The following TSNARE1 variants were observed in gnomAD, a reference collection of about 807,000 sequenced individuals.
TSNARE1 encodes t-SNARE domain-containing protein 1.
Under a neutral mutation model 62.0 loss-of-function variants are expected in TSNARE1, and 49 were observed. The ratio of observed to expected loss-of-function variants is 0.79; its 90% CI spans 0.63 to 1.00. The LOEUF is 1.00. Ranked by LOEUF, TSNARE1 falls within the 50% of genes least tolerant of loss-of-function variation. The pLI is 0.00. For missense variants in TSNARE1, 755 were observed against 700.1 expected (o/e 1.08, Z -0.88); for synonymous variants, 328 against 294.4 (o/e 1.11, Z -1.17).
intron 1 of TSNARE1, among the ~76,000 whole-genome samples, chr8:142,394,093 C>G (rs888678633): frequency 2.0e-5 from 3 of 152,262 alleles, no homozygotes; most frequent in African/African-American, 7.2e-5. Flanking sequence ...CCTTGCTGGG[C>G]TGGGAGGCCC....
At chr8:142,259,594 C>A (rs1818754428) in intron 12 of TSNARE1, among the ~76,000 whole-genome samples, 2 of 152,204 alleles carry the variant, frequency 1.3e-5, no homozygotes, top group Admixed American at 6.5e-5. Context: ...CAGGCCTCAG[C>A]AAAATCCAAT....
In TSNARE1 at chr8:142,346,728, A is replaced by G. The variant is rs1383569866; in HGVS notation, c.89-836T>C. Among the ~76,000 whole-genome samples, 3 of 152,358 alleles carry G rather than the reference A, an allele frequency of 2.0e-5. No homozygotes were observed. In the East Asian group the frequency reaches 5.8e-4, roughly 29 times the overall value. ...CTTTCCAGCCACATCCGCGGCCTCC[A>G]GGGCCAGGTCGGCACAGTGGGTCCC... On this transcript the variant is annotated intron_variant, in intron 2 of 13. Transcript: ENST00000524325.
chr8:142,231,403 G>C (rs1817108768), intron 12 of TSNARE1, among the ~76,000 whole-genome samples: 1 of 152,126 alleles, frequency 6.6e-6, no homozygotes, highest in Non-Finnish European at 1.5e-5. Flanking sequence ...ATGTGGGCAG[G>C]GTAATAAGGG....
chr8:142,305,206 G>A (rs751715979), intron 9 of TSNARE1, among the ~76,000 whole-genome samples: 8 of 152,202 alleles, frequency 5.3e-5, no homozygotes, highest in Non-Finnish European at 7.4e-5. Flanking sequence ...TGGACTTGGG[G>A]GTTTCAGTGA....
intron 1 of TSNARE1, among the ~76,000 whole-genome samples, chr8:142,385,154 AG>A (rs1837029272): frequency 6.6e-6 from 1 of 152,170 alleles, no homozygotes; most frequent in African/African-American, 2.4e-5. Context: ...TTATAAAGGG[AG>A]GAAAAACCAG....
chr8:142,274,298 G>A, intron 12 of TSNARE1: 2 of 985,408 alleles, frequency 2.0e-6, no homozygotes, highest in Non-Finnish European at 2.4e-6. Context: ...CAGCAACAAG[G>A]CCCAGTGAGT....
chr8:142,402,502 G>A (rs991252446), intron 1 of TSNARE1, among the ~76,000 whole-genome samples: 4 of 152,268 alleles, frequency 2.6e-5, no homozygotes, highest in Non-Finnish European at 5.9e-5. Context: ...TCCCTGGAGA[G>A]TTTCTGCGGG....
intron 9 of TSNARE1, among the ~76,000 whole-genome samples, chr8:142,313,434 T>G (rs1433471911): frequency 6.6e-6 from 1 of 151,958 alleles, no homozygotes; most frequent in Non-Finnish European, 1.5e-5. Flanking sequence ...ATCTGCATGT[T>G]GTCTACATGT....
At chr8:142,222,811 TTCAC>T (rs147349019) in intron 13 of TSNARE1, among the ~76,000 whole-genome samples, 71,015 of 88,566 alleles carry the variant, frequency 0.8, 28,031 homozygotes, top group South Asian at 0.84. Context: ...CACTCACTCA[TTCAC>T]TCACTCACTC....
intron 1 of TSNARE1, among the ~76,000 whole-genome samples, chr8:142,365,247 T>C (rs1010513563): frequency 5.3e-5 from 8 of 152,128 alleles, no homozygotes; most frequent in African/African-American, 1.9e-4. Flanking sequence ...ACACTCAGAC[T>C]GAGAAGAACT....
At chr8:142,297,131 C>T (rs1272144856) in intron 10 of TSNARE1, among the ~76,000 whole-genome samples, 3 of 152,224 alleles carry the variant, frequency 2.0e-5, no homozygotes, top group East Asian at 1.9e-4. Context: ...TGAGCGGACA[C>T]GGGCCTAAAG....
At chr8:142,405,012 C>G (rs899930709), upstream of TSNARE1, 26 of 152,394 alleles carry the variant, frequency 1.7e-4, no homozygotes, top group African/African-American at 5.8e-4. Context: ...GGGGAATGGT[C>G]TAGCGTGGGT....
intron 9 of TSNARE1, among the ~76,000 whole-genome samples, chr8:142,314,116 G>A (rs1042054733): frequency 8.5e-5 from 13 of 152,198 alleles, no homozygotes; most frequent in African/African-American, 3.1e-4. Flanking sequence ...TTTCACAGTG[G>A]CTCTCAGCAG....
chr8:142,243,914 A>G (rs4976954), intron 12 of TSNARE1, among the ~76,000 whole-genome samples: 53,653 of 152,142 alleles, frequency 0.35, 13,310 homozygotes, highest in African/African-American at 0.71. Context: ...GAAGCCGGGC[A>G]TGGTGGCTCA....
At chr8:142,381,001 A>T (rs889934585) in intron 1 of TSNARE1, among the ~76,000 whole-genome samples, 2 of 152,118 alleles carry the variant, frequency 1.3e-5, no homozygotes, top group Admixed American at 6.5e-5. Flanking sequence ...AGCATCACCC[A>T]CAGCAAGTCC....
intron 12 of TSNARE1, chr8:142,273,504 C>T: frequency 1.0e-6 from 1 of 985,442 alleles, no homozygotes; most frequent in Non-Finnish European, 1.2e-6. Context: ...GAGACCCAGC[C>T]CCAGCCTTGC....
At chr8:142,237,065 T>TG (rs1554626997) in intron 12 of TSNARE1, among the ~76,000 whole-genome samples, 1 of 152,076 alleles carries the variant, frequency 6.6e-6, no homozygotes, top group African/African-American at 2.4e-5. Context: ...GGCCTGAGGT[T>TG]CCAGAACGGC....
chr8:142,228,640 T>C (rs1423184487), intron 13 of TSNARE1, among the ~76,000 whole-genome samples: 1 of 152,226 alleles, frequency 6.6e-6, no homozygotes, highest in African/African-American at 2.4e-5. Context: ...CAGGGTGGCC[T>C]TGCCCCAGTG....
At chr8:142,307,756 C>A (rs1262269989) in intron 9 of TSNARE1, among the ~76,000 whole-genome samples, 1 of 152,186 alleles carries the variant, frequency 6.6e-6, no homozygotes, top group African/African-American at 2.4e-5. Context: ...GGCAGAACTG[C>A]AAGATCCTAG....
Sources: gnomAD v4.1 joint callset for allele counts (sites outside exome capture counted in the v4.1 genomes callset) on GRCh38, gnomAD v4.1.1 for gene constraint, MANE v1.5 for transcripts, NCBI Gene and HGNC (gene_info 2026-07-23, HGNC 2026-07-21) for gene names.